Variants in LRRC4C observed in about 807,000 individuals in gnomAD.
The protein encoded by LRRC4C is leucine rich repeat containing 4C, also known as leucine-rich repeat-containing protein 4C.
In LRRC4C, 5 loss-of-function variants were observed where a neutral mutation model predicts 33.6. The ratio of observed to expected loss-of-function variants is 0.15; its 90% CI spans 0.08 to 0.31. The LOEUF is 0.31. Among genes scored for constraint, LRRC4C ranks in the 10% least tolerant of loss-of-function variants. The pLI is 1.00. For missense variants in LRRC4C, 560 were observed against 796.7 expected (o/e 0.70, Z 3.58); for synonymous variants, 329 against 302.0 (o/e 1.09, Z -0.93).
chr11:40,241,207 C>A (rs1474209295), intron 5 of LRRC4C, among the ~76,000 whole-genome samples: 1 of 151,908 alleles, frequency 6.6e-6, no homozygotes. Context: ...ATAGCAAGAG[C>A]CCTGTCTCTA....
chr11:41,372,442 A>G (rs1383145948), intron 1 of LRRC4C, among the ~76,000 whole-genome samples: 1 of 152,230 alleles, frequency 6.6e-6, no homozygotes, highest in Non-Finnish European at 1.5e-5. Context: ...TCCATGTCAT[A>G]TATTATTGAT....
chr11:41,020,921 C>T (rs7108517), intron 1 of LRRC4C, among the ~76,000 whole-genome samples: 109,513 of 151,954 alleles, frequency 0.72, 39,780 homozygotes, highest in South Asian at 0.78. Flanking sequence ...AGTTAAAAAT[C>T]CTACTCATCT....
At chr11:41,058,846 G>A (rs1193968984) in intron 1 of LRRC4C, among the ~76,000 whole-genome samples, 1 of 152,086 alleles carries the variant, frequency 6.6e-6, no homozygotes, top group Non-Finnish European at 1.5e-5. Context: ...AGAAAATATG[G>A]TGATTATACA....
At chr11:40,443,686 C>T (rs1951498033) in intron 3 of LRRC4C, among the ~76,000 whole-genome samples, 1 of 152,154 alleles carries the variant, frequency 6.6e-6, no homozygotes, top group Non-Finnish European at 1.5e-5. Flanking sequence ...GTTACCATTG[C>T]ATTCTTAATG....
At chr11:40,861,437 A>G (rs2135847536) in intron 2 of LRRC4C, among the ~76,000 whole-genome samples, 1 of 152,322 alleles carries the variant, frequency 6.6e-6, no homozygotes, top group Admixed American at 6.5e-5. Context: ...TATTATGTGA[A>G]ACTCCAATGT....
chr11:40,254,448 G>A (rs12362316), intron 4 of LRRC4C, among the ~76,000 whole-genome samples: 26,678 of 152,096 alleles, frequency 0.18, 2,700 homozygotes, highest in Admixed American at 0.28. Context: ...TCTGCACATG[G>A]TCCATCTTTC....
At chr11:41,189,215 A>C (rs1447062536) in intron 1 of LRRC4C, among the ~76,000 whole-genome samples, 1 of 152,162 alleles carries the variant, frequency 6.6e-6, no homozygotes, top group Non-Finnish European at 1.5e-5. Flanking sequence ...ACAATGAACA[A>C]AAGTGAAAAT....
chr11:40,582,856 A>C (rs1425589527), intron 3 of LRRC4C, among the ~76,000 whole-genome samples: 3 of 152,050 alleles, frequency 2.0e-5, no homozygotes, highest in Non-Finnish European at 4.4e-5. Flanking sequence ...ATAATTGTAC[A>C]TATTTATGGA....
intron 1 of LRRC4C, among the ~76,000 whole-genome samples, chr11:41,394,383 C>T (rs778959459): frequency 5.3e-5 from 8 of 151,840 alleles, no homozygotes; most frequent in Non-Finnish European, 1.0e-4. Context: ...ATAGAGTATG[C>T]GTCTCTCCTT....
intron 3 of LRRC4C, among the ~76,000 whole-genome samples, chr11:40,548,936 G>T (rs1250985569): frequency 1.3e-5 from 2 of 152,056 alleles, no homozygotes; most frequent in African/African-American, 4.8e-5. Context: ...TGACAGAAAA[G>T]ATTTCTGGAA....
intron 2 of LRRC4C, among the ~76,000 whole-genome samples, chr11:40,791,456 C>T (rs185930588): frequency 3.0e-3 from 460 of 152,218 alleles, no homozygotes; most frequent in Non-Finnish European, 4.1e-3. Context: ...TGATAATCTT[C>T]TACATACAGG....
At chr11:40,416,230 A>G (rs904538796) in intron 3 of LRRC4C, among the ~76,000 whole-genome samples, 2 of 152,208 alleles carry the variant, frequency 1.3e-5, no homozygotes, top group South Asian at 2.1e-4. Context: ...CAAATTATGT[A>G]TCTGGCCCTA....
At chr11:41,235,681 C>T (rs955110514) in intron 1 of LRRC4C, among the ~76,000 whole-genome samples, 1 of 152,078 alleles carries the variant, frequency 6.6e-6, no homozygotes, top group Non-Finnish European at 1.5e-5. Context: ...TAAACAAAAG[C>T]TTAAATCCCT....
chr11:40,560,685 A>C (rs920993901), intron 3 of LRRC4C, among the ~76,000 whole-genome samples: 1 of 152,220 alleles, frequency 6.6e-6, no homozygotes, highest in African/African-American at 2.4e-5. Flanking sequence ...TACCATTTAT[A>C]ATGTATGTAA....
intron 3 of LRRC4C, among the ~76,000 whole-genome samples, chr11:40,396,265 G>A (rs1217178430): frequency 6.6e-6 from 1 of 151,820 alleles, no homozygotes; most frequent in East Asian, 1.9e-4. Flanking sequence ...TACTACACAT[G>A]TCTCTAGACA....
chr11:40,683,379 G>T (rs1944798028), intron 2 of LRRC4C, among the ~76,000 whole-genome samples: 1 of 152,132 alleles, frequency 6.6e-6, no homozygotes, highest in Non-Finnish European at 1.5e-5. Flanking sequence ...AGGGACTGTT[G>T]CCTAATATAG....
chr11:41,285,609 A>G (rs1223262579), intron 1 of LRRC4C, among the ~76,000 whole-genome samples: 1 of 152,120 alleles, frequency 6.6e-6, no homozygotes, highest in East Asian at 1.9e-4. Flanking sequence ...GAAGCCAGAG[A>G]GAGATGTCCC....
At chr11:41,217,303 CA>C (rs1947103628) in intron 1 of LRRC4C, among the ~76,000 whole-genome samples, 1 of 152,152 alleles carries the variant, frequency 6.6e-6, no homozygotes, top group African/African-American at 2.4e-5. Context: ...AATCAAAATA[CA>C]TAGAAGCTTC....
At chr11:40,154,869 C>T (rs1287705580) in intron 5 of LRRC4C, among the ~76,000 whole-genome samples, 2 of 152,112 alleles carry the variant, frequency 1.3e-5, no homozygotes, top group African/African-American at 4.8e-5. Context: ...AACGAATATA[C>T]AGAATATTTC....
Sources: gnomAD v4.1 joint callset for allele counts (sites outside exome capture counted in the v4.1 genomes callset) on GRCh38, gnomAD v4.1.1 for gene constraint, MANE v1.5 for transcripts, NCBI Gene and HGNC (gene_info 2026-07-23, HGNC 2026-07-21) for gene names.